Variants in ITGB8 observed in about 807,000 individuals in gnomAD.
ITGB8 encodes the protein integrin beta-8.
A neutral mutation model predicts 89.5 loss-of-function variants in ITGB8; 30 were observed. That is an observed-to-expected ratio of 0.34 (90% CI 0.25 to 0.45). The LOEUF (loss-of-function observed/expected upper bound fraction) is 0.45. Ranked by LOEUF, ITGB8 falls within the 20% of genes least tolerant of loss-of-function variation. ITGB8 has a pLI of 1.00. For missense variants in ITGB8, 836 were observed against 933.3 expected (o/e 0.90, Z 1.36); for synonymous variants, 335 against 320.4 (o/e 1.05, Z -0.49).
chr7:20,332,416 CTA>C (rs1191327929), intron 1 of ITGB8, among the ~76,000 whole-genome samples: 1 of 152,066 alleles, frequency 6.6e-6, no homozygotes, highest in East Asian at 1.9e-4. Context: ...CAAGTTTCTG[CTA>C]TCATTAGTGC....
chr7:20,340,170 A>G (rs1028069623), intron 1 of ITGB8, among the ~76,000 whole-genome samples: 17 of 152,230 alleles, frequency 1.1e-4, no homozygotes, highest in African/African-American at 3.9e-4. Flanking sequence ...CTGGTGTTTT[A>G]TTGATGTTTT....
chr7:20,340,372 G>C (rs775355101), intron 1 of ITGB8, among the ~76,000 whole-genome samples: 66 of 152,202 alleles, frequency 4.3e-4, no homozygotes, highest in Non-Finnish European at 2.8e-4. Flanking sequence ...AAGAGACCGA[G>C]TTTGGAAGTG....
intron 1 of ITGB8, among the ~76,000 whole-genome samples, chr7:20,337,205 T>C (rs1784604294): frequency 6.6e-6 from 1 of 152,224 alleles, no homozygotes; most frequent in African/African-American, 2.4e-5. Flanking sequence ...GTATCAACTT[T>C]AAAATTGATT....
intron 6 of ITGB8, among the ~76,000 whole-genome samples, chr7:20,387,187 A>C (rs1332412025): frequency 6.6e-6 from 1 of 152,198 alleles, no homozygotes; most frequent in Non-Finnish European, 1.5e-5. Flanking sequence ...ATTCCAGTGA[A>C]ATGTAGATAT....
intron 13 of ITGB8, 45 bp from the exon 14 acceptor site, chr7:20,409,830 A>C (rs1285149201): frequency 3.1e-6 from 5 of 1,607,532 alleles, no homozygotes; most frequent in African/African-American, 2.7e-5. Context: ...GCCTAGTTAC[A>C]ATATTTAGGC....
chr7:20,404,882 C>T, intron 11 of ITGB8, 29 bp downstream of exon 11: 2 of 1,583,626 alleles, frequency 1.3e-6, no homozygotes, highest in Non-Finnish European at 1.7e-6. Context: ...CAAACATACA[C>T]AAAGAATAGC....
At chr7:20,357,733 T>G (rs543031007) in intron 1 of ITGB8, among the ~76,000 whole-genome samples, 1 of 152,284 alleles carries the variant, frequency 6.6e-6, no homozygotes, top group East Asian at 1.9e-4. Flanking sequence ...TAAGTAGCTG[T>G]GCTATGGAAC....
rs1787845372 is a variant in ITGB8 at position 20,413,820 on chromosome 7, C to T, written c.*3823C>T. The T allele has an allele frequency of 6.6e-6, 1 of 151,924 alleles. No individual in the cohort carries two copies. The highest frequency in any genetic ancestry group is 1.5e-5 in the Non-Finnish European group (1 of 67,920). The allele number at this position is 151,924 out of a possible 1,614,324, so 9.4% of individuals were successfully genotyped here. On this transcript the variant is annotated 3_prime_UTR_variant, in exon 14 of 14. Coordinates refer to ENST00000222573, the MANE Select transcript of ITGB8 (RefSeq NM_002214.3). ...CAAGTGAAATATAGTTACATGGGAGCTCAATCATGTGCAGATTGCATTCTG... is the reference window on the plus strand; with the variant it reads ...CAAGTGAAATATAGTTACATGGGAGTTCAATCATGTGCAGATTGCATTCTG...
At position 20,331,713 on chromosome 7, in the gene ITGB8, A is replaced by G; in HGVS notation, c.-94A>G. The G allele has an allele frequency of 7.1e-7, 1 of 1,414,666 alleles. No homozygotes were observed. The highest frequency in any genetic ancestry group is 9.3e-7 in the Non-Finnish European group (1 of 1,069,894). The allele number at this position is 1,414,666 out of a possible 1,614,324, so 87.6% of individuals were successfully genotyped here. On this transcript the variant is annotated 5_prime_UTR_variant, in exon 1 of 14. Coordinates refer to ENST00000222573, the MANE Select transcript of ITGB8 (RefSeq NM_002214.3). ...GGCCTGCGGAAAACGTCCTAGCGAC[A>G]CTCGGCCCGCGGGCCCCGAGGTGCG...
intron 4 of ITGB8, chr7:20,380,042 A>G (rs75113616): frequency 0.019 from 2,857 of 152,326 alleles, 50 homozygotes; most frequent in Non-Finnish European, 0.027. Context: ...TTTACAATAC[A>G]CATTCCAATT....
At chr7:20,379,923 T>G (rs1399555438) in intron 4 of ITGB8, 1 of 152,240 alleles carries the variant, frequency 6.6e-6, no homozygotes, top group Non-Finnish European at 1.5e-5. Context: ...TACAAGTGTC[T>G]CACACAATAT....
chr7:20,385,666 T>C (rs1447145290), intron 6 of ITGB8, among the ~76,000 whole-genome samples: 1 of 149,392 alleles, frequency 6.7e-6, no homozygotes, highest in African/African-American at 2.4e-5. Context: ...GTACTTGACT[T>C]TTAAGTATGC....
chr7:20,362,498 C>G lies in ITGB8; in HGVS notation c.128-1139C>G, dbSNP rs189019281. On this transcript the variant is annotated intron_variant, in intron 1 of 13. Transcript: ENST00000222573. ...GGGGAGCAATCCTTAAATATGCCCTCTTCCTCCACCCCTACTCATCCCTCT... is the reference window on the plus strand; with the variant it reads ...GGGGAGCAATCCTTAAATATGCCCTGTTCCTCCACCCCTACTCATCCCTCT... 3.3e-5 allele frequency among the ~76,000 whole-genome samples: 5 copies of G among 152,332 alleles called. No homozygotes were observed. In the East Asian group the frequency reaches 9.6e-4, roughly 29 times the overall value.
At chr7:20,398,323 C>T (rs1348193436) in intron 8 of ITGB8, among the ~76,000 whole-genome samples, 1 of 152,158 alleles carries the variant, frequency 6.6e-6, no homozygotes, top group Non-Finnish European at 1.5e-5. Flanking sequence ...GTAATTCTTG[C>T]TCCTTCAGTG....
intron 8 of ITGB8, among the ~76,000 whole-genome samples, chr7:20,398,241 C>T (rs1202653452): frequency 1.3e-5 from 2 of 152,172 alleles, no homozygotes; most frequent in Non-Finnish European, 2.9e-5. Flanking sequence ...TTGACTGACA[C>T]AAACAAGTCC....
intron 3 of ITGB8, among the ~76,000 whole-genome samples, chr7:20,376,562 A>T (rs1786155350): frequency 6.6e-6 from 1 of 152,140 alleles, no homozygotes; most frequent in Admixed American, 6.5e-5. Flanking sequence ...CTTCTCCTTT[A>T]TTTATAATTA....
chr7:20,394,829 TA>T lies in ITGB8; in HGVS notation c.1057-66del, dbSNP rs1344056503. On this transcript the variant is annotated intron_variant, in intron 7 of 13. Transcript: ENST00000222573. ...AACTGATAACTACAAAAATATTTAC[TA>T]TTTGTTGGTTGCTAACCCATTACAT... The T allele has an allele frequency of 8.6e-6, 9 of 1,041,436 alleles. No homozygotes were observed. The East Asian group carries it at 1.9e-4, about 22-fold the overall frequency. The allele number at this position is 1,041,436 out of a possible 1,614,324, so 64.5% of individuals were successfully genotyped here.
intron 9 of ITGB8, among the ~76,000 whole-genome samples, chr7:20,401,290 T>G (rs1388370458): frequency 6.6e-6 from 1 of 152,172 alleles, no homozygotes; most frequent in Non-Finnish European, 1.5e-5. Context: ...CATCTCAGGG[T>G]TTTAAACCAG....
intron 1 of ITGB8, chr7:20,346,613 C>G (rs188479865): frequency 1.7e-4 from 114 of 654,276 alleles, no homozygotes; most frequent in Non-Finnish European, 2.1e-4. Context: ...GAGACAAGGT[C>G]TGAGGAAGCC....
Sources: allele counts gnomAD v4.1 joint callset (sites outside exome capture counted in the v4.1 genomes callset), GRCh38; gene constraint gnomAD v4.1.1; transcripts MANE v1.5; gene names NCBI Gene and HGNC (gene_info 2026-07-23, HGNC 2026-07-21).